NACC2: variants seen among roughly 807,000 people sequenced by gnomAD.
NACC2 encodes NACC family member 2.
A neutral mutation model predicts 25.1 loss-of-function variants in NACC2; 8 were observed. The ratio of observed to expected loss-of-function variants is 0.32; its 90% confidence interval spans 0.19 to 0.57. The LOEUF (loss-of-function observed/expected upper bound fraction) is 0.57, where lower values mean the gene tolerates loss of function less well. NACC2 is among the 20% of genes least tolerant of loss of function. NACC2 has a pLI of 0.89. For synonymous variants in NACC2, 435 were observed against 294.7 expected (o/e 1.48, Z -4.88); for missense variants, 644 against 650.2 (o/e 0.99, Z 0.10).
Position 136,011,632 on chromosome 9 carries a change from C to G in NACC2, c.1648G>C (p.Ala550Pro), listed in dbSNP as rs367559509. ...GGCTGTGGGGGGCTCTGGCCATCGG[C>G]GGGCAGCGGCTCGGGGGCGGCCACC... Reference protein sequence around the residue: ...QEVAAPEPLPADGQSPPQPFE... With the variant: ...QEVAAPEPLPPDGQSPPQPFE... The change falls in exon 6 of 6, where the codon GCC (alanine) becomes CCC (proline). Residue 550 changes from alanine to proline, a missense_variant. Transcript: ENST00000277554. The G allele has an allele frequency of 5.7e-6, 8 of 1,402,538 alleles. No homozygotes were observed. The highest frequency in any genetic ancestry group is 7.4e-6 in the Non-Finnish European group (8 of 1,083,868). The allele number at this position is 1,402,538 out of a possible 1,614,324, so 86.9% of individuals were successfully genotyped here.
chr9:136,041,038 A>AAGG lies in NACC2; in HGVS notation c.886+8597_886+8598insCCT, dbSNP rs1275028862. On this transcript the variant is annotated intron_variant, in intron 2 of 5. Coordinates refer to ENST00000277554, the MANE Select transcript of NACC2 (RefSeq NM_144653.5). ...AGGAAAGGAAAGGAAAGAAGGAAAG[A>AAGG]AAAGGAAGGAAGGAAGGAAGGAAAG... 4.3e-3 allele frequency among the ~76,000 whole-genome samples: 388 copies of AAGG among 89,294 alleles called. 6 individuals carry two copies. The South Asian group carries it at 0.066, about 15-fold the overall frequency. 58.6% of individuals were successfully genotyped at this position (89,294 alleles called of 152,430 possible).
intron 2 of NACC2, among the ~76,000 whole-genome samples, chr9:136,025,614 TA>T (rs942237535): frequency 1.4e-3 from 201 of 139,034 alleles, no homozygotes; most frequent in Middle Eastern, 3.7e-3. Flanking sequence ...TAAGTCCTAT[TA>T]AAAAAAAAAA....
At chr9:136,063,756 G>A (rs1481727399) in intron 1 of NACC2, among the ~76,000 whole-genome samples, 6 of 151,864 alleles carry the variant, frequency 4.0e-5, no homozygotes, top group East Asian at 1.9e-4. Context: ...GGTGGTGGGC[G>A]CCTATTATCC....
chr9:136,013,183 A>ACCCCC lies in NACC2; in HGVS notation c.1255+11_1255+15dup. ...AGCCCCGGCCCCACCCACCCGAGAGACCCCCAGGCTCTTACATTTCACAGC... is the reference window on the plus strand; with the variant it reads ...AGCCCCGGCCCCACCCACCCGAGAGACCCCCCCCCCAGGCTCTTACATTTCACAGC... On this transcript the variant is annotated intron_variant, in intron 5 of 5. Coordinates refer to ENST00000277554, the MANE Select transcript of NACC2 (RefSeq NM_144653.5). This position sits in a 1 kb window ranked among gnomAD's most constrained non-coding sequence, Gnocchi z 6.6. The ACCCCC allele has an allele frequency of 1.3e-6, 1 of 750,198 alleles. No homozygotes were observed. Among genetic ancestry groups the ACCCCC allele is most frequent in the Non-Finnish European group, 2.2e-6 (1 of 458,024 alleles). 46.5% of individuals were successfully genotyped at this position (750,198 alleles called of 1,614,324 possible).
chr9:136,062,172 C>CAGGAA (rs1250312166), intron 1 of NACC2, among the ~76,000 whole-genome samples: 1,518 of 97,694 alleles, frequency 0.016, 8 homozygotes, highest in East Asian at 0.029. Flanking sequence ...CAGGACAGGA[C>CAGGAA]AGGAAAGGAA....
Position 136,007,554 on chromosome 9 carries a change from C to CGCACAT in NACC2, c.*3961_*3962insATGTGC, listed in dbSNP as rs1840042422. 1 of 150,192 alleles carries CGCACAT rather than the reference C, an allele frequency of 6.7e-6. No homozygotes were observed. Among genetic ancestry groups the CGCACAT allele is most frequent in the Non-Finnish European group, 1.5e-5 (1 of 67,402 alleles). 9.3% of individuals were successfully genotyped at this position (150,192 alleles called of 1,614,324 possible). ...AGACGTGCACACACAGACACGCACA[C>CGCACAT]ACACACAGACACGCGCACACGCACA... On this transcript the variant is annotated 3_prime_UTR_variant, in exon 6 of 6. Coordinates refer to ENST00000277554, the MANE Select transcript of NACC2 (RefSeq NM_144653.5).
intron 1 of NACC2, among the ~76,000 whole-genome samples, chr9:136,090,675 T>G (rs1830425137): frequency 6.6e-6 from 1 of 152,164 alleles, no homozygotes; most frequent in African/African-American, 2.4e-5. Context: ...AGCCTGACTA[T>G]GGAGGGCTGG....
intron 1 of NACC2, among the ~76,000 whole-genome samples, chr9:136,079,956 G>A (rs1383643491): frequency 6.6e-6 from 1 of 152,208 alleles, no homozygotes. Context: ...AGGGAGAGGC[G>A]GCCCTCCTGG....
Position 136,024,392 on chromosome 9 carries a change from GGTGTGTGAGGACAGAGTGTGT to G in NACC2, c.887-7984_887-7964del, listed in dbSNP as rs1197940327. Reference sequence around the variant, plus strand: ...AGAAGGTGTGTGTGTGAGGACAGAGGGTGTGTGAGGACAGAGTGTGTGTGTGTGAGGACAGAGTGTGTGTGT... The same window carrying G: ...AGAAGGTGTGTGTGTGAGGACAGAGGGTGTGTGAGGACAGAGTGTGTGTGT... On this transcript the variant is annotated intron_variant, in intron 2 of 5. Coordinates refer to ENST00000277554, the MANE Select transcript of NACC2 (RefSeq NM_144653.5). Among the ~76,000 whole-genome samples, 590 of 105,478 alleles carry G rather than the reference GGTGTGTGAGGACAGAGTGTGT, an allele frequency of 5.6e-3. 4 individuals carry two copies. Among genetic ancestry groups the G allele is most frequent in the Non-Finnish European group, 7.6e-3 (403 of 52,748 alleles). 69.2% of individuals were successfully genotyped at this position (105,478 alleles called of 152,430 possible). A position where few individuals can be genotyped will look rare whatever the true frequency, so the allele number is the denominator to read the frequency against.
rs1370528165 is a variant in NACC2 at position 136,050,052 on chromosome 9, G to C, written c.470C>G (p.Ala157Gly). 1.4e-6 allele frequency: 1 copy of C among 721,904 alleles called. No homozygotes were observed. Among genetic ancestry groups the C allele is most frequent in the African/African-American group, 1.7e-5 (1 of 58,434 alleles). 44.7% of individuals were successfully genotyped at this position (721,904 alleles called of 1,614,324 possible). ...CACCGAGGGGGACACGACGTAGGGG[G>C]CCGCGGCGGCGGCGGCCGGCTGCAG... The part of the protein sequence containing the change: ...NQLQPAAAAA[A>G]PYVVSPSVPI... Residue 157 changes from alanine to glycine, a missense_variant, in exon 2 of 6, where the codon GCC becomes GGC. Physicochemically the swap from Ala to Gly is moderately conservative, Grantham distance 60. Transcript: ENST00000277554.
At chr9:136,087,012 G>A (rs1042443431) in intron 1 of NACC2, among the ~76,000 whole-genome samples, 3 of 152,248 alleles carry the variant, frequency 2.0e-5, no homozygotes, top group Non-Finnish European at 4.4e-5. Context: ...GAGATATCCC[G>A]GATTTAGGGT....
intron 1 of NACC2, among the ~76,000 whole-genome samples, chr9:136,074,709 C>T (rs1026817337): frequency 6.6e-6 from 1 of 151,958 alleles, no homozygotes; most frequent in Non-Finnish European, 1.5e-5. Context: ...CCCTAAACTG[C>T]ACCGACAGAT....
At position 136,070,501 on chromosome 9, in the gene NACC2, G is replaced by A. The variant is rs1054569447; in HGVS notation, c.-59-19921C>T. On this transcript the variant is annotated intron_variant, in intron 1 of 5. Coordinates refer to ENST00000277554, the MANE Select transcript of NACC2 (RefSeq NM_144653.5). The stretch of plus-strand genomic sequence containing the variant: ...CAGCCTGGGCGACAGAGCGAGACTC[G>A]TCTCAAAAAAGAAAATCAAATACAA... 7.9e-5 allele frequency among the ~76,000 whole-genome samples: 12 copies of A among 151,552 alleles called. 1 individual carries two copies. The highest frequency in any genetic ancestry group is 1.5e-4 in the African/African-American group (6 of 40,978).
chr9:136,088,822 T>C (rs1830405334), intron 1 of NACC2, among the ~76,000 whole-genome samples: 1 of 152,162 alleles, frequency 6.6e-6, no homozygotes, highest in Non-Finnish European at 1.5e-5. Context: ...AGGGCTGGGC[T>C]GTCCCACAAA....
At chr9:136,031,431 G>A (rs763411528) in intron 2 of NACC2, among the ~76,000 whole-genome samples, 5 of 152,044 alleles carry the variant, frequency 3.3e-5, no homozygotes, top group Non-Finnish European at 5.9e-5. Context: ...TCTGCCTCCC[G>A]GGTTCGAGCA....
intron 2 of NACC2, among the ~76,000 whole-genome samples, chr9:136,047,247 G>A (rs1588570283): frequency 6.6e-6 from 1 of 152,176 alleles, no homozygotes. Flanking sequence ...GCACCCAGGG[G>A]CAGCTCCAGG....
chr9:136,077,415 C>T (rs904500919), intron 1 of NACC2, among the ~76,000 whole-genome samples: 13 of 152,294 alleles, frequency 8.5e-5, no homozygotes, highest in Non-Finnish European at 1.3e-4. Flanking sequence ...CCTAACAGGG[C>T]ACAAAGGACA....
intron 2 of NACC2, among the ~76,000 whole-genome samples, chr9:136,021,710 T>A (rs188333959): frequency 6.6e-6 from 1 of 152,228 alleles, no homozygotes; most frequent in Non-Finnish European, 1.5e-5. Context: ...CCGGATGTCC[T>A]GCAATGGGCA....
At position 136,049,629 on chromosome 9, in the gene NACC2, G is replaced by T. The variant is rs918761871; in HGVS notation, c.886+7C>A. 1.7e-5 allele frequency: 13 copies of T among 773,730 alleles called. 1 individual carries two copies. The highest frequency in any genetic ancestry group is 2.7e-4 in the Middle Eastern group (1 of 3,698). The allele number at this position is 773,730 out of a possible 1,614,324, so 47.9% of individuals were successfully genotyped here. A position where few individuals can be genotyped will look rare whatever the true frequency, so the allele number is the denominator to read the frequency against. On this transcript the variant is annotated splice_region_variant and intron_variant, in intron 2 of 5. Coordinates refer to ENST00000277554, the MANE Select transcript of NACC2 (RefSeq NM_144653.5). ...AGGTGGTGTGGGGCTCCACCCCGCCGCGTTACCTGCATAGCTGCCGGAGGC... is the reference window on the plus strand; with the variant it reads ...AGGTGGTGTGGGGCTCCACCCCGCCTCGTTACCTGCATAGCTGCCGGAGGC...
Sources: allele counts gnomAD v4.1 joint callset (sites outside exome capture counted in the v4.1 genomes callset), GRCh38; gene constraint gnomAD v4.1.1; non-coding constraint Gnocchi (gnomAD v3.1); transcripts MANE v1.5; gene names NCBI Gene and HGNC (gene_info 2026-07-23, HGNC 2026-07-21).